The following SLIT3 variants were observed in gnomAD, a reference collection of about 807,000 sequenced individuals.
The protein encoded by SLIT3 is slit homolog 3 protein.
SLIT3 carries 68 observed loss-of-function variants against 184.0 expected under a neutral mutation model. The observed-to-expected ratio is 0.37, with a 90% CI of 0.30 to 0.45. The LOEUF is 0.45. Among genes scored for constraint, SLIT3 ranks in the 20% least tolerant of loss-of-function variants. The pLI, the probability that SLIT3 is intolerant of heterozygous loss-of-function variation, is 1.00. For missense variants in SLIT3, 1,707 were observed against 2,026.0 expected (o/e 0.84, Z 3.02); for synonymous variants, 831 against 828.6 (o/e 1.00, Z -0.05).
chr5:168,763,019 G>C (rs1755213558), intron 14 of SLIT3, among the ~76,000 whole-genome samples: 1 of 152,120 alleles, frequency 6.6e-6, no homozygotes, highest in African/African-American at 2.4e-5. Flanking sequence ...TCGGGGAAGT[G>C]CTCCTTGGTG....
chr5:168,887,295 C>T (rs1581178832), intron 4 of SLIT3, among the ~76,000 whole-genome samples: 2 of 152,060 alleles, frequency 1.3e-5, no homozygotes, highest in African/African-American at 2.4e-5. Context: ...GAAATCCTGT[C>T]TGTGTTAAAT....
At chr5:169,167,980 T>C (rs1263994601) in intron 4 of SLIT3, among the ~76,000 whole-genome samples, 1 of 152,252 alleles carries the variant, frequency 6.6e-6, no homozygotes, top group Non-Finnish European at 1.5e-5. Context: ...CTTGGAACTC[T>C]ACCTGAGAAT....
chr5:169,075,448 G>A (rs1246874001), intron 4 of SLIT3, among the ~76,000 whole-genome samples: 1 of 152,204 alleles, frequency 6.6e-6, no homozygotes, highest in Admixed American at 6.5e-5. Context: ...TCTAAATCCT[G>A]GAATAAAAGC....
At chr5:169,130,098 C>T (rs964613436) in intron 4 of SLIT3, among the ~76,000 whole-genome samples, 20 of 152,128 alleles carry the variant, frequency 1.3e-4, no homozygotes, top group Non-Finnish European at 2.1e-4. Flanking sequence ...CCACCCATCT[C>T]GGCCTCCCCA....
chr5:168,855,125 C>A (rs1172351563), intron 5 of SLIT3, among the ~76,000 whole-genome samples: 1 of 152,150 alleles, frequency 6.6e-6, no homozygotes, highest in Non-Finnish European at 1.5e-5. Context: ...CAGTGCCTGG[C>A]ACACAGGAGG....
intron 26 of SLIT3, 22 bp downstream of exon 26, chr5:168,707,954 G>A (rs112611140): frequency 6.9e-5 from 111 of 1,613,742 alleles, no homozygotes; most frequent in Middle Eastern, 1.6e-4. Flanking sequence ...ATGAACACGG[G>A]GGGGCAGGGC....
chr5:168,787,256 G>T (rs555182772), intron 11 of SLIT3, among the ~76,000 whole-genome samples: 1 of 152,336 alleles, frequency 6.6e-6, no homozygotes, highest in South Asian at 2.1e-4. Flanking sequence ...GTCAGCTGAT[G>T]TCAGGACTTC....
intron 1 of SLIT3, among the ~76,000 whole-genome samples, chr5:169,273,498 T>C (rs1766697735): frequency 1.3e-5 from 2 of 152,194 alleles, no homozygotes; most frequent in South Asian, 4.1e-4. Flanking sequence ...GGCTGCAAAT[T>C]AGAATCACCT....
At chr5:168,716,504 A>G (rs1463175958) in intron 23 of SLIT3, among the ~76,000 whole-genome samples, 1 of 152,266 alleles carries the variant, frequency 6.6e-6, no homozygotes, top group Admixed American at 6.5e-5. Context: ...TATCACTGTC[A>G]TGACTCCTCC....
intron 4 of SLIT3, among the ~76,000 whole-genome samples, chr5:169,111,944 A>G (rs1242258778): frequency 6.6e-6 from 1 of 152,170 alleles, no homozygotes; most frequent in African/African-American, 2.4e-5. Context: ...AGTTTAGAGT[A>G]GACTTCAGCC....
chr5:168,988,423 G>A (rs1755206768), intron 4 of SLIT3, among the ~76,000 whole-genome samples: 1 of 152,156 alleles, frequency 6.6e-6, no homozygotes, highest in Non-Finnish European at 1.5e-5. Context: ...AGAGTAGAAT[G>A]GTCTTGCCCA....
At chr5:169,105,836 A>G (rs532710337) in intron 4 of SLIT3, among the ~76,000 whole-genome samples, 126 of 152,214 alleles carry the variant, frequency 8.3e-4, no homozygotes, top group African/African-American at 2.7e-3. Context: ...ATGTGCCACA[A>G]TTTCTGTATC....
intron 4 of SLIT3, among the ~76,000 whole-genome samples, chr5:169,139,905 C>T (rs112937825): frequency 0.052 from 7,977 of 152,164 alleles, 706 homozygotes; most frequent in African/African-American, 0.18. Context: ...GATACCCTCG[C>T]GAGCAAATAT....
At chr5:168,736,848 CTGGGCT>C in intron 20 of SLIT3, among the ~76,000 whole-genome samples, 1 of 152,186 alleles carries the variant, frequency 6.6e-6, no homozygotes, top group African/African-American at 2.4e-5. Flanking sequence ...TCAGATGGAC[CTGGGCT>C]TGAGTCTATA....
chr5:169,245,837 T>C (rs551700583), intron 2 of SLIT3, among the ~76,000 whole-genome samples: 1 of 152,284 alleles, frequency 6.6e-6, no homozygotes. Flanking sequence ...GCCTTAACAC[T>C]TGGGCCCTTG....
chr5:168,679,586 T>C (rs1312166508), intron 32 of SLIT3, among the ~76,000 whole-genome samples: 2 of 152,172 alleles, frequency 1.3e-5, no homozygotes, highest in Non-Finnish European at 2.9e-5. Flanking sequence ...AAGGGTTTGT[T>C]ATTCCTCTAG....
chr5:169,028,892 C>A (rs979334982), intron 4 of SLIT3, among the ~76,000 whole-genome samples: 5 of 152,180 alleles, frequency 3.3e-5, no homozygotes, highest in Non-Finnish European at 5.9e-5. Flanking sequence ...CCAGGCCTTG[C>A]ACAAAAGTGA....
At chr5:168,862,426 A>G (rs1759145714) in intron 5 of SLIT3, among the ~76,000 whole-genome samples, 1 of 152,220 alleles carries the variant, frequency 6.6e-6, no homozygotes, top group South Asian at 2.1e-4. Context: ...CATCCTGCTA[A>G]AGAAAAATTT....
chr5:169,136,938 C>A (rs1761524730), intron 4 of SLIT3, among the ~76,000 whole-genome samples: 1 of 152,046 alleles, frequency 6.6e-6, no homozygotes, highest in East Asian at 1.9e-4. Context: ...CCCAGGCTGG[C>A]CTTGAATTCC....
Sources: allele counts gnomAD v4.1 joint callset (sites outside exome capture counted in the v4.1 genomes callset), GRCh38; gene constraint gnomAD v4.1.1; transcripts MANE v1.5; gene names NCBI Gene and HGNC (gene_info 2026-07-23, HGNC 2026-07-21).